PXDNL: variants seen among roughly 807,000 people sequenced by gnomAD.
The protein encoded by PXDNL is probable oxidoreductase PXDNL.
A neutral mutation model predicts 150.8 loss-of-function variants in PXDNL; 145 were observed. The observed-to-expected ratio is 0.96, with a 90% CI of 0.84 to 1.10. The LOEUF is 1.10. Among genes scored for constraint, PXDNL ranks in the 50% least tolerant of loss-of-function variants. The pLI, the probability that PXDNL is intolerant of heterozygous loss-of-function variation, is 0.00. For synonymous variants in PXDNL, 757 were observed against 725.7 expected, an observed-to-expected ratio of 1.04 and a Z score of -0.69; for missense variants, 2,087 against 1,873.9, an observed-to-expected ratio of 1.11 and a Z score of -2.10.
rs566143669 is a variant in PXDNL at position 51,537,639 on chromosome 8, T to C, written c.380+19201A>G. On this transcript the variant is annotated intron_variant, in intron 4 of 22. Transcript: ENST00000356297. ...TTTCTCAGTGTGAGTGTCTGGGCCTTTTCCTTGGAAACCTTGAAGAGCCCC... is the reference window on the plus strand; with the variant it reads ...TTTCTCAGTGTGAGTGTCTGGGCCTCTTCCTTGGAAACCTTGAAGAGCCCC... Among the ~76,000 whole-genome samples, 27 of 152,308 alleles carry C rather than the reference T, an allele frequency of 1.8e-4. No individual in the cohort carries two copies. The South Asian group carries it at 5.4e-3, about 30-fold the overall frequency.
At chr8:51,600,293 A>G (rs928704164) in intron 2 of PXDNL, among the ~76,000 whole-genome samples, 1 of 99,300 alleles carries the variant, frequency 1.0e-5, no homozygotes, top group African/African-American at 4.3e-5. Context: ...ATTATATCTT[A>G]TATAAATTAT....
intron 4 of PXDNL, among the ~76,000 whole-genome samples, chr8:51,516,375 TA>T (rs1811539857): frequency 1.3e-5 from 2 of 152,324 alleles, no homozygotes; most frequent in Non-Finnish European, 2.9e-5. Context: ...GTAGAGCAGA[TA>T]AACTGGTATT....
At chr8:51,329,989 G>A (rs758588472) in intron 21 of PXDNL, among the ~76,000 whole-genome samples, 2 of 152,212 alleles carry the variant, frequency 1.3e-5, no homozygotes, top group Non-Finnish European at 2.9e-5. Context: ...GAAGGCCTGA[G>A]AACCAGGAGT....
chr8:51,691,761 C>T (rs572975717), intron 1 of PXDNL, among the ~76,000 whole-genome samples: 1 of 152,194 alleles, frequency 6.6e-6, no homozygotes, highest in Non-Finnish European at 1.5e-5. Context: ...AAAGCACTAC[C>T]TTATGAACGT....
intron 5 of PXDNL, among the ~76,000 whole-genome samples, chr8:51,494,711 A>T (rs987605527): frequency 6.6e-6 from 1 of 152,174 alleles, no homozygotes; most frequent in African/African-American, 2.4e-5. Flanking sequence ...GAAGGGATCA[A>T]TTCAACAAGA....
At chr8:51,641,134 G>T (rs1032279313) in intron 2 of PXDNL, among the ~76,000 whole-genome samples, 33 of 151,156 alleles carry the variant, frequency 2.2e-4, no homozygotes, top group African/African-American at 8.0e-4. Flanking sequence ...AATGGTGCTG[G>T]GAAAACTGGC....
chr8:51,411,248 A>G lies in PXDNL; in HGVS notation c.2062+2T>C. ...TGAGAATAAAATGGCTTTGTGGCTG[A>G]CCTTTGCCTTCCAAGTCCACAGTGA... On this transcript the variant is annotated splice_donor_variant, in intron 16 of 22. Coordinates refer to ENST00000356297, the MANE Select transcript of PXDNL (RefSeq NM_144651.5). LOFTEE classifies it high-confidence loss of function. The G allele has an allele frequency of 6.9e-7, 1 of 1,457,396 alleles. No homozygotes were observed. Among genetic ancestry groups the G allele is most frequent in the Non-Finnish European group, 9.1e-7 (1 of 1,103,852 alleles). 90.3% of individuals were successfully genotyped at this position (1,457,396 alleles called of 1,614,324 possible).
intron 6 of PXDNL, among the ~76,000 whole-genome samples, chr8:51,479,728 T>A (rs541657169): frequency 6.6e-6 from 1 of 151,472 alleles, no homozygotes; most frequent in African/African-American, 2.4e-5. Flanking sequence ...AAGGGTGGGG[T>A]GGGAGTGAGG....
At chr8:51,336,472 T>A (rs1382039147) in intron 21 of PXDNL, among the ~76,000 whole-genome samples, 1 of 152,210 alleles carries the variant, frequency 6.6e-6, no homozygotes, top group Non-Finnish European at 1.5e-5. Flanking sequence ...GACAGATCAG[T>A]AGTAAGTGCT....
At chr8:51,596,609 G>A (rs1245816378) in intron 2 of PXDNL, among the ~76,000 whole-genome samples, 1 of 151,422 alleles carries the variant, frequency 6.6e-6, no homozygotes, top group East Asian at 1.9e-4. Flanking sequence ...TATTATTATA[G>A]AGGTAGTATC....
At chr8:51,663,791 C>T (rs903111916) in intron 1 of PXDNL, among the ~76,000 whole-genome samples, 4 of 152,074 alleles carry the variant, frequency 2.6e-5, no homozygotes, top group Admixed American at 2.6e-4. Context: ...ACGGTGGGTG[C>T]TGTAATCCCA....
chr8:51,426,742 A>G lies in PXDNL; in HGVS notation c.1542T>C (p.Thr514=). ...TVKPKALAVF[T]QLPQDTSVEV... is the part of the protein sequence containing the mutation. ...CGACACTTGTATCCTGAGGAAGTTG[A>G]GTAAACACTGCAAGAGCTGTGGAAA... Residue 514 remains threonine, a synonymous_variant, in exon 13 of 23, where the codon ACT becomes ACC. Coordinates refer to ENST00000356297, the MANE Select transcript of PXDNL (RefSeq NM_144651.5). The G allele has an allele frequency of 6.3e-7, 1 of 1,595,470 alleles. No homozygotes were observed. Among genetic ancestry groups the G allele is most frequent in the Non-Finnish European group, 8.6e-7 (1 of 1,168,102 alleles).
At chr8:51,723,759 A>T (rs943878722) in intron 1 of PXDNL, among the ~76,000 whole-genome samples, 1 of 151,332 alleles carries the variant, frequency 6.6e-6, no homozygotes, top group Admixed American at 6.6e-5. Flanking sequence ...TCCTAAGGGC[A>T]GTCGACAGCC....
At chr8:51,774,495 C>A (rs915092974) in intron 1 of PXDNL, among the ~76,000 whole-genome samples, 1 of 152,110 alleles carries the variant, frequency 6.6e-6, no homozygotes, top group Non-Finnish European at 1.5e-5. Context: ...AACCTTCTGA[C>A]TATGTAAGTT....
chr8:51,795,901 C>T (rs750289634), intron 1 of PXDNL, among the ~76,000 whole-genome samples: 2 of 152,196 alleles, frequency 1.3e-5, no homozygotes, highest in African/African-American at 2.4e-5. Flanking sequence ...AACCTGGTCA[C>T]CCCGACCCTG....
chr8:51,326,118 C>A (rs1451361157), intron 21 of PXDNL, among the ~76,000 whole-genome samples: 1 of 152,184 alleles, frequency 6.6e-6, no homozygotes, highest in Non-Finnish European at 1.5e-5. Context: ...GGTCCCTGAT[C>A]AGTCTGCTTT....
chr8:51,425,867 C>T lies in PXDNL; in HGVS notation c.1638+779G>A, dbSNP rs140510465. 7.1e-3 allele frequency among the ~76,000 whole-genome samples: 1,083 copies of T among 151,950 alleles called. 16 individuals carry two copies. Among genetic ancestry groups the T allele is most frequent in the African/African-American group, 0.025 (1,039 of 41,476 alleles). ...TTCAGACTACTGAGAGGACATGAACCGAAAGACACCTAAACTTACTCTTCA... is the reference window on the plus strand; with the variant it reads ...TTCAGACTACTGAGAGGACATGAACTGAAAGACACCTAAACTTACTCTTCA... On this transcript the variant is annotated intron_variant, in intron 13 of 22. Transcript: ENST00000356297.
chr8:51,560,531 A>G (rs555584134), intron 3 of PXDNL, among the ~76,000 whole-genome samples: 20 of 152,138 alleles, frequency 1.3e-4, no homozygotes, highest in African/African-American at 4.3e-4. Flanking sequence ...ATTATTTACA[A>G]GAGTACCAAG....
chr8:51,463,426 G>A (rs765902233), intron 8 of PXDNL, among the ~76,000 whole-genome samples: 2 of 152,108 alleles, frequency 1.3e-5, no homozygotes, highest in Non-Finnish European at 2.9e-5. Flanking sequence ...TAAAAGGATG[G>A]AGAAAGATTT....
Sources: gnomAD v4.1 joint callset for allele counts (sites outside exome capture counted in the v4.1 genomes callset) on GRCh38, gnomAD v4.1.1 for gene constraint, MANE v1.5 for transcripts, NCBI Gene and HGNC (gene_info 2026-07-23, HGNC 2026-07-21) for gene names.